Variants in GPC6 observed in about 807,000 individuals in gnomAD.
GPC6 encodes the protein glypican-6.
Under a neutral mutation model 55.2 loss-of-function variants are expected in GPC6, and 14 were observed. The ratio of observed to expected loss-of-function variants is 0.25; its 90% CI spans 0.17 to 0.40. GPC6 has a LOEUF of 0.40. Among genes scored for constraint, GPC6 ranks in the 10% least tolerant of loss-of-function variants. The probability of loss-of-function intolerance (pLI) is 1.00; values close to 1 mark genes in which losing one functional copy is unlikely to be tolerated. For synonymous variants in GPC6, 278 were observed against 259.6 expected, an observed-to-expected ratio of 1.07 and a Z score of -0.68; for missense variants, 641 against 708.5, an observed-to-expected ratio of 0.90 and a Z score of 1.08.
chr13:93,378,644 G>T (rs4773742), intron 1 of GPC6, among the ~76,000 whole-genome samples: 118,056 of 152,108 alleles, frequency 0.78, 47,934 homozygotes, highest in East Asian at 0.97. Context: ...GACTTATTAT[G>T]ATCTTGACAT....
In GPC6 at chr13:93,974,272, G is replaced by A. The variant is rs1211914514; in HGVS notation, c.712-53457G>A. Reference sequence around the variant, plus strand: ...TAGTTTCATTAACATTTATTCTAAGGTCTTTCTGTGATTAAAAAATAATAC... The same window carrying A: ...TAGTTTCATTAACATTTATTCTAAGATCTTTCTGTGATTAAAAAATAATAC... On this transcript the variant is annotated intron_variant, in intron 3 of 8. Transcript: ENST00000377047. Among the ~76,000 whole-genome samples, 15 of 152,206 alleles carry A rather than the reference G, an allele frequency of 9.9e-5. 1 individual carries two copies. The East Asian group carries it at 2.7e-3, about 27-fold the overall frequency.
intron 2 of GPC6, among the ~76,000 whole-genome samples, chr13:93,704,496 C>T (rs534823020): frequency 2.6e-5 from 4 of 151,346 alleles, no homozygotes; most frequent in East Asian, 1.9e-4. Context: ...ATTACATATA[C>T]TTATATTTTA....
At chr13:93,685,803 T>G (rs1397635397) in intron 2 of GPC6, among the ~76,000 whole-genome samples, 1 of 152,248 alleles carries the variant, frequency 6.6e-6, no homozygotes, top group South Asian at 2.1e-4. Flanking sequence ...TTATGAAAAA[T>G]ATTTTCTCAA....
intron 2 of GPC6, among the ~76,000 whole-genome samples, chr13:93,662,289 G>A (rs1488847375): frequency 6.6e-6 from 1 of 152,164 alleles, no homozygotes; most frequent in Non-Finnish European, 1.5e-5. Flanking sequence ...AGTACCTATG[G>A]TGGAAGGTAG....
chr13:93,438,724 T>C (rs9524062), intron 1 of GPC6, among the ~76,000 whole-genome samples: 2,556 of 152,308 alleles, frequency 0.017, 35 homozygotes, highest in Non-Finnish European at 0.026. Context: ...CAACAAAAGA[T>C]ATACAATATT....
intron 6 of GPC6, among the ~76,000 whole-genome samples, chr13:94,379,319 T>C (rs1465972360): frequency 1.3e-5 from 2 of 152,190 alleles, no homozygotes; most frequent in Non-Finnish European, 2.9e-5. Flanking sequence ...AATTGGCCAG[T>C]GTTTCCGTGC....
At chr13:93,830,939 T>C (rs960312722) in intron 3 of GPC6, 3 of 175,158 alleles carry the variant, frequency 1.7e-5, no homozygotes, top group Middle Eastern at 2.8e-3. Flanking sequence ...GGAGTCAAGA[T>C]GACAGTCTTC....
At chr13:93,489,272 G>A (rs1193091231) in intron 1 of GPC6, among the ~76,000 whole-genome samples, 21 of 151,470 alleles carry the variant, frequency 1.4e-4, no homozygotes, top group Admixed American at 1.4e-3. Flanking sequence ...TCAAAGATCA[G>A]ATGGTTGTAG....
At chr13:94,035,585 A>T (rs1883305653) in intron 4 of GPC6, among the ~76,000 whole-genome samples, 1 of 152,054 alleles carries the variant, frequency 6.6e-6, no homozygotes, top group African/African-American at 2.4e-5. Context: ...ATAATAGAAT[A>T]AAGGAAGGCG....
intron 4 of GPC6, among the ~76,000 whole-genome samples, chr13:94,266,419 T>C (rs546440075): frequency 5.1e-4 from 77 of 152,246 alleles, no homozygotes; most frequent in Middle Eastern, 3.4e-3. Context: ...CCGCCCGCCT[T>C]GGCCTCCCAA....
At chr13:93,365,199 CGTGACT>C in intron 1 of GPC6, among the ~76,000 whole-genome samples, 1 of 152,064 alleles carries the variant, frequency 6.6e-6, no homozygotes, top group African/African-American at 2.4e-5. Context: ...AGAGGGAACC[CGTGACT>C]TGTCTTCCAC....
intron 1 of GPC6, among the ~76,000 whole-genome samples, chr13:93,315,686 G>A (rs1218519012): frequency 6.6e-6 from 1 of 151,712 alleles, no homozygotes; most frequent in African/African-American, 2.4e-5. Flanking sequence ...TTTTAAAAAT[G>A]TGTATGCTTT....
At chr13:93,250,193 G>A (rs1170777964) in intron 1 of GPC6, among the ~76,000 whole-genome samples, 1 of 152,190 alleles carries the variant, frequency 6.6e-6, no homozygotes, top group Non-Finnish European at 1.5e-5. Flanking sequence ...CACTTCTAAA[G>A]CTCTTAGAAT....
chr13:94,370,670 T>C lies in GPC6; in HGVS notation c.1153-11744T>C, dbSNP rs544012187. 1.7e-3 allele frequency among the ~76,000 whole-genome samples: 263 copies of C among 152,364 alleles called. 1 individual carries two copies. Among genetic ancestry groups the C allele is most frequent in the Non-Finnish European group, 3.2e-3 (215 of 68,040 alleles). On this transcript the variant is annotated intron_variant, in intron 6 of 8. Transcript: ENST00000377047. ...TGCTAAGTCACTGATTTAAAATATA[T>C]GGTATGAGTCCCTGTGCTATAGACT...
intron 4 of GPC6, among the ~76,000 whole-genome samples, chr13:94,244,331 G>A (rs182079374): frequency 5.7e-4 from 87 of 152,254 alleles, no homozygotes; most frequent in African/African-American, 2.0e-3. Context: ...GGAAGACATT[G>A]TCACTGGTTG....
chr13:94,083,269 C>G (rs796065376), intron 4 of GPC6, among the ~76,000 whole-genome samples: 1 of 152,076 alleles, frequency 6.6e-6, no homozygotes, highest in South Asian at 2.1e-4. Context: ...CAGGCGCCCG[C>G]CACCACACCC....
rs1369227973 is a variant in GPC6, at chr13:94,406,117, C to T, written c.*2900C>T. 6.6e-6 allele frequency: 1 copy of T among 152,092 alleles called. No individual in the cohort carries two copies. The highest frequency in any genetic ancestry group is 1.5e-5 in the Non-Finnish European group (1 of 67,978). The allele number at this position is 152,092 out of a possible 1,614,324, so 9.4% of individuals were successfully genotyped here. A position where few individuals can be genotyped will look rare whatever the true frequency, so the allele number is the denominator to read the frequency against. ...TTATGAATAGAGAGGAATGGGCTCA[C>T]TGAAACCTGACACTAGAAATTGGTG... On this transcript the variant is annotated 3_prime_UTR_variant, in exon 9 of 9. Transcript: ENST00000377047.
intron 2 of GPC6, among the ~76,000 whole-genome samples, chr13:93,789,612 T>TACTACATATATATATATAATACTAC (rs1310596575): frequency 2.8e-3 from 53 of 19,124 alleles, no homozygotes; most frequent in African/African-American, 9.4e-3. Context: ...TATATATATA[T>TACTACATATATATATATAATACTAC]ATATATATAT....
chr13:93,981,586 A>T (rs1466389680), intron 3 of GPC6, among the ~76,000 whole-genome samples: 1 of 152,212 alleles, frequency 6.6e-6, no homozygotes, highest in Non-Finnish European at 1.5e-5. Context: ...GTGCTGAAAC[A>T]TGAGAAAAAT....
Sources: gnomAD v4.1 joint callset for allele counts (sites outside exome capture counted in the v4.1 genomes callset) on GRCh38, gnomAD v4.1.1 for gene constraint, MANE v1.5 for transcripts, NCBI Gene and HGNC (gene_info 2026-07-23, HGNC 2026-07-21) for gene names.